LASP1: variants seen among roughly 807,000 people sequenced by gnomAD.
LASP1 encodes LIM and SH3 protein 1, also known as LIM and SH3 domain protein 1.
A neutral mutation model predicts 38.6 loss-of-function variants in LASP1; 10 were observed. The ratio of observed to expected loss-of-function variants is 0.26; its 90% CI spans 0.16 to 0.44. The LOEUF (loss-of-function observed/expected upper bound fraction) is 0.44. Among genes scored for constraint, LASP1 ranks in the 20% least tolerant of loss-of-function variants. LASP1 has a pLI of 1.00. For synonymous variants in LASP1, 132 were observed against 140.8 expected (o/e 0.94, Z 0.44); for missense variants, 243 against 375.7 (o/e 0.65, Z 2.92).
intron 2 of LASP1, among the ~76,000 whole-genome samples, chr17:38,886,956 A>G (rs1283431175): frequency 1.3e-5 from 2 of 152,136 alleles, no homozygotes; most frequent in Non-Finnish European, 2.9e-5. Context: ...GCTGGTCTCA[A>G]ACTCCTGGCT....
intron 4 of LASP1, among the ~76,000 whole-genome samples, chr17:38,901,965 C>T (rs539066404): frequency 1.3e-4 from 20 of 152,026 alleles, no homozygotes; most frequent in Non-Finnish European, 2.6e-4. Flanking sequence ...GATGGGGTTT[C>T]GCCGTGTTAG....
At position 38,914,021 on chromosome 17, in the gene LASP1, A is replaced by G. The variant is rs200974786; in HGVS notation, c.358-304A>G. Among the ~76,000 whole-genome samples the G allele has an allele frequency of 6.6e-5, 10 of 151,976 alleles. No individual in the cohort carries two copies. The East Asian group carries it at 1.9e-3, about 29-fold the overall frequency. ...CGTCTCGAAAAAAAAAAAAAAAGAA[A>G]AGGGACCACTCACTTTGGTCTGATT... is the stretch of plus-strand genomic sequence containing the variant. On this transcript the variant is annotated intron_variant, in intron 4 of 6. Transcript: ENST00000318008.
chr17:38,898,323 C>T (rs1308023386), intron 3 of LASP1, 89 bp from the exon 4 acceptor site: 17 of 750,740 alleles, frequency 2.3e-5, no homozygotes, highest in Non-Finnish European at 3.3e-5. Flanking sequence ...GTCCCTGTCT[C>T]CTGACTGGTT....
At chr17:38,912,381 C>G (rs2143821733) in intron 4 of LASP1, among the ~76,000 whole-genome samples, 1 of 151,896 alleles carries the variant, frequency 6.6e-6, no homozygotes, top group Non-Finnish European at 1.5e-5. Flanking sequence ...GCCAGGGTGC[C>G]ACAGGGTCAG....
intron 6 of LASP1, chr17:38,916,348 T>G (rs1350153481): frequency 6.6e-6 from 1 of 151,536 alleles, no homozygotes; most frequent in Non-Finnish European, 1.5e-5. Flanking sequence ...TCACTTGAGG[T>G]CAGGAGTTCG....
intron 4 of LASP1, among the ~76,000 whole-genome samples, chr17:38,902,171 C>G (rs1914658779): frequency 6.6e-6 from 1 of 152,036 alleles, no homozygotes; most frequent in Non-Finnish European, 1.5e-5. Context: ...AAGCCATTCT[C>G]CCACCTCAGA....
chr17:38,917,378 T>C (rs1376423227), intron 6 of LASP1, among the ~76,000 whole-genome samples: 1 of 152,166 alleles, frequency 6.6e-6, no homozygotes, highest in East Asian at 1.9e-4. Context: ...ATGTTGTCTA[T>C]AGCTATAGGA....
chr17:38,879,768 C>T (rs1913888478), intron 2 of LASP1, among the ~76,000 whole-genome samples: 1 of 152,180 alleles, frequency 6.6e-6, no homozygotes, highest in East Asian at 1.9e-4. Context: ...GGGGCTCGCT[C>T]ATTCAGCAGA....
intron 2 of LASP1, among the ~76,000 whole-genome samples, chr17:38,885,386 C>A (rs1914089208): frequency 6.6e-6 from 1 of 152,190 alleles, no homozygotes; most frequent in Non-Finnish European, 1.5e-5. Context: ...TGTCCTGAAG[C>A]CCGAGGCTGC....
Position 38,920,097 on chromosome 17 carries a change from G to A in LASP1, c.*1319G>A, listed in dbSNP as rs1246163861. 3.2e-5 allele frequency: 17 copies of A among 536,884 alleles called. No homozygotes were observed. The East Asian group carries it at 4.3e-4, about 13-fold the overall frequency. 33.3% of individuals were successfully genotyped at this position (536,884 alleles called of 1,614,324 possible). On this transcript the variant is annotated 3_prime_UTR_variant, in exon 7 of 7. Coordinates refer to ENST00000318008, the MANE Select transcript of LASP1 (RefSeq NM_006148.4). Reference sequence around the variant, plus strand: ...CTGAGTGGAGGAAGCCCACCAATCTGCCCTTTGCAGTGTGCAGGGTGGAAG... The same window carrying A: ...CTGAGTGGAGGAAGCCCACCAATCTACCCTTTGCAGTGTGCAGGGTGGAAG...
rs1317578165 is a variant in LASP1, at chr17:38,918,138, T to TC, written c.613-466dup. ...TTGGGTGACAAAGCAAGACTCCATC[T>TC]CAAAAAAAAAAAAAAAAAGAGGGAG... On this transcript the variant is annotated intron_variant, in intron 6 of 6. Coordinates refer to ENST00000318008, the MANE Select transcript of LASP1 (RefSeq NM_006148.4). This position sits in a 1 kb window ranked among gnomAD's most constrained non-coding sequence, Gnocchi z 4.4. Among the ~76,000 whole-genome samples the TC allele has an allele frequency of 1.2e-3, 164 of 133,362 alleles. No homozygotes were observed. The highest frequency in any genetic ancestry group is 4.1e-3 in the African/African-American group (144 of 35,534). The allele number at this position is 133,362 out of a possible 152,430, so 87.5% of individuals were successfully genotyped here.
In LASP1 at chr17:38,919,583, A is replaced by T. The variant is rs1915240029; in HGVS notation, c.*805A>T. On this transcript the variant is annotated 3_prime_UTR_variant, in exon 7 of 7. Transcript: ENST00000318008. ...CCACGCCCACCCCCAGTCTCCAGGG[A>T]CCCTTGCCTGCCTCCTAGGCTGGAA... 3.9e-6 allele frequency: 1 copy of T among 256,586 alleles called. No individual in the cohort carries two copies. Among genetic ancestry groups the T allele is most frequent in the East Asian group, 5.4e-5 (1 of 18,406 alleles). The allele number at this position is 256,586 out of a possible 1,614,324, so 15.9% of individuals were successfully genotyped here. A position where few individuals can be genotyped will look rare whatever the true frequency, so the allele number is the denominator to read the frequency against.
intron 4 of LASP1, among the ~76,000 whole-genome samples, chr17:38,910,632 C>G (rs973281272): frequency 6.6e-6 from 1 of 152,082 alleles, no homozygotes; most frequent in African/African-American, 2.4e-5. Context: ...AATGCATATT[C>G]CAGAACCCCA....
At chr17:38,879,672 A>T (rs1477087325) in intron 2 of LASP1, among the ~76,000 whole-genome samples, 1 of 151,690 alleles carries the variant, frequency 6.6e-6, no homozygotes, top group African/African-American at 2.4e-5. Flanking sequence ...TTAAACCTCC[A>T]GCCTTACCCC....
intron 1 of LASP1, among the ~76,000 whole-genome samples, chr17:38,871,246 A>AG (rs1265283944): frequency 6.6e-6 from 1 of 150,764 alleles, no homozygotes; most frequent in Non-Finnish European, 1.5e-5. Flanking sequence ...AGACTTTTGG[A>AG]GGGGGGTTGG....
In LASP1 at chr17:38,918,704, G is replaced by A. The variant is rs1215608849; in HGVS notation, c.712G>A (p.Gly238Ser). 17 of 1,614,102 alleles carry A rather than the reference G, an allele frequency of 1.1e-5. No individual in the cohort carries two copies. The highest frequency in any genetic ancestry group is 1.3e-5 in the Non-Finnish European group (15 of 1,179,996). Residue 238 changes from glycine (G) to serine (S), a missense_variant, in exon 7 of 7, where the codon GGC becomes AGC. Physicochemically the swap from Gly to Ser is moderately conservative, Grantham distance 56. Coordinates refer to ENST00000318008, the MANE Select transcript of LASP1 (RefSeq NM_006148.4). The surrounding 1 kb of genome is among the most constrained non-coding windows in gnomAD (Gnocchi z 4.4). Reference protein sequence around the residue: ...TIVNVQQIDDGWMYGTVERTG... With the variant: ...TIVNVQQIDDSWMYGTVERTG... The stretch of plus-strand genomic sequence containing the variant: ...CGTCAACGTGCAGCAGATCGACGAC[G>A]GCTGGATGTACGGGACGGTGGAGCG...
intron 1 of LASP1, among the ~76,000 whole-genome samples, chr17:38,874,930 C>T (rs1255020694): frequency 1.3e-5 from 2 of 152,140 alleles, no homozygotes; most frequent in African/African-American, 4.8e-5. Flanking sequence ...CCCTCCTTCT[C>T]CAAGGGGCTT....
At chr17:38,888,731 A>G (rs1914217302) in intron 2 of LASP1, among the ~76,000 whole-genome samples, 1 of 152,258 alleles carries the variant, frequency 6.6e-6, no homozygotes. Context: ...AAATAAGTTA[A>G]TTATGAAGAC....
At chr17:38,884,529 A>C (rs997783039) in intron 2 of LASP1, among the ~76,000 whole-genome samples, 5 of 151,862 alleles carry the variant, frequency 3.3e-5, no homozygotes, top group African/African-American at 9.7e-5. Context: ...CGGGGATTAC[A>C]GGAGGCCGCT....
Sources: gnomAD v4.1 joint callset for allele counts (sites outside exome capture counted in the v4.1 genomes callset) on GRCh38, gnomAD v4.1.1 for gene constraint, Gnocchi (gnomAD v3.1) non-coding constraint, MANE v1.5 for transcripts, NCBI Gene and HGNC (gene_info 2026-07-23, HGNC 2026-07-21) for gene names.